TNRC6C: variants seen among roughly 807,000 people sequenced by gnomAD.
The protein encoded by TNRC6C is trinucleotide repeat-containing gene 6C protein.
A neutral mutation model predicts 153.7 loss-of-function variants in TNRC6C; 20 were observed. The observed-to-expected ratio is 0.13, with a 90% CI of 0.09 to 0.19. The LOEUF (loss-of-function observed/expected upper bound fraction) is 0.19, where lower values mean the gene tolerates loss of function less well. TNRC6C is among the 10% of genes least tolerant of loss of function. The probability of loss-of-function intolerance (pLI) is 1.00; values close to 1 mark genes in which losing one functional copy is unlikely to be tolerated. For synonymous variants in TNRC6C, 811 were observed against 841.4 expected, an observed-to-expected ratio of 0.96 and a Z score of 0.63; for missense variants, 1,987 against 2,172.0, an observed-to-expected ratio of 0.91 and a Z score of 1.69.
chr17:78,008,565 C>A, intron 1 of TNRC6C: 1 of 152,274 alleles, frequency 6.6e-6, no homozygotes. Context: ...TCTTGACTCC[C>A]CCTTGATTTT....
At chr17:78,077,333 A>G (rs2073102745) in exon 9 of TNRC6C, 3 of 1,571,814 alleles carry the variant, frequency 1.9e-6, no homozygotes, top group Non-Finnish European at 2.6e-6. Context: ...TCTTCTAGAC[A>G]GGTAAGGCTG....
chr17:77,965,906 T>C (rs1352867267), intron 1 of TNRC6C, among the ~76,000 whole-genome samples: 1 of 152,222 alleles, frequency 6.6e-6, no homozygotes, highest in Non-Finnish European at 1.5e-5. Flanking sequence ...CCATTGAACA[T>C]TGTTTTCCCT....
intron 1 of TNRC6C, 122 bp downstream of exon 3, chr17:78,005,201 A>G (rs1025731790): frequency 7.4e-5 from 42 of 570,748 alleles, no homozygotes; most frequent in Non-Finnish European, 9.6e-5. Flanking sequence ...CTTTGAAACT[A>G]TTTTTTATTA....
At chr17:78,086,945 A>G (rs762583490) in exon 13 of TNRC6C, 1 of 1,609,576 alleles carries the variant, frequency 6.2e-7, no homozygotes, top group Non-Finnish European at 8.5e-7. Flanking sequence ...CACCACCGCC[A>G]CCGCCCCCGC....
chr17:77,964,874 G>C (rs2144035606), intron 1 of TNRC6C, among the ~76,000 whole-genome samples: 1 of 152,250 alleles, frequency 6.6e-6, no homozygotes, highest in African/African-American at 2.4e-5. Context: ...GGGGGCTATG[G>C]CTGATGTCTT....
exon 20 of TNRC6C, chr17:78,105,036 C>T (rs1264336294): frequency 1.9e-6 from 1 of 539,466 alleles, no homozygotes; most frequent in African/African-American, 2.0e-5. Flanking sequence ...GGGTCAGCGT[C>T]ACATGCTAAT....
At chr17:78,000,846 A>G (rs1230082958), upstream of TNRC6C, among the ~76,000 whole-genome samples, 2 of 152,178 alleles carry the variant, frequency 1.3e-5, no homozygotes, top group Non-Finnish European at 2.9e-5. Flanking sequence ...TCAACTAACA[A>G]AAAGACTGGT....
chr17:78,043,130 TGGAAAAAAA>T (rs1351158097), intron 2 of TNRC6C, among the ~76,000 whole-genome samples: 1 of 152,020 alleles, frequency 6.6e-6, no homozygotes, highest in Admixed American at 6.6e-5. Context: ...AGCTGAAGTA[TGGAAAAAAA>T]GGAAAAAAGA....
At chr17:78,014,167 T>C (rs1194684848) in intron 1 of TNRC6C, among the ~76,000 whole-genome samples, 1 of 152,192 alleles carries the variant, frequency 6.6e-6, no homozygotes, top group Non-Finnish European at 1.5e-5. Context: ...CTTCTGTGTT[T>C]CATGAGATTT....
intron 1 of TNRC6C, among the ~76,000 whole-genome samples, chr17:77,986,413 C>CAAA (rs764905338): frequency 9.2e-5 from 5 of 54,298 alleles, no homozygotes; most frequent in African/African-American, 2.0e-4. Flanking sequence ...AACTCCATCT[C>CAAA]AAAAAAAAAA....
chr17:77,957,907 G>C (rs2070820827), upstream of TNRC6C, among the ~76,000 whole-genome samples: 1 of 152,240 alleles, frequency 6.6e-6, no homozygotes, highest in Admixed American at 6.5e-5. Context: ...GGCCCGGACC[G>C]AAGGCTTGCG....
intron 16 of TNRC6C, 61 bp from the exon 20 acceptor site, chr17:78,098,282 C>T (rs2073524679): frequency 6.8e-7 from 1 of 1,474,820 alleles, no homozygotes; most frequent in African/African-American, 1.4e-5. Flanking sequence ...TCCCCAAACA[C>T]AGCAGTGAGT....
At chr17:77,983,174 T>G (rs1567900186) in intron 1 of TNRC6C, among the ~76,000 whole-genome samples, 1 of 152,326 alleles carries the variant, frequency 6.6e-6, no homozygotes, top group East Asian at 1.9e-4. Flanking sequence ...TTATACCTTA[T>G]AACCCACCCC....
chr17:78,051,831 C>T (rs1016073251), intron 3 of TNRC6C, among the ~76,000 whole-genome samples: 1 of 152,084 alleles, frequency 6.6e-6, no homozygotes, highest in African/African-American at 2.4e-5. Context: ...AGAACTTGGG[C>T]AAGTTGGCAG....
intron 2 of TNRC6C, among the ~76,000 whole-genome samples, chr17:78,042,910 C>T (rs2072329061): frequency 6.6e-6 from 1 of 152,060 alleles, no homozygotes; most frequent in Admixed American, 6.5e-5. Flanking sequence ...TTTTAATTAG[C>T]TCAGTATGCA....
intron 17 of TNRC6C, among the ~76,000 whole-genome samples, chr17:78,100,468 C>G (rs1251367947): frequency 6.6e-6 from 1 of 152,250 alleles, no homozygotes; most frequent in Non-Finnish European, 1.5e-5. Flanking sequence ...GAGATTGCTC[C>G]CTCTGAAGCC....
chr17:78,057,589 C>T (rs1196049925), intron 3 of TNRC6C, among the ~76,000 whole-genome samples: 1 of 152,244 alleles, frequency 6.6e-6, no homozygotes, highest in Non-Finnish European at 1.5e-5. Context: ...AATGCCTGCG[C>T]AGCTTTCCAT....
chr17:78,073,172 T>C, intron 7 of TNRC6C, 78 bp downstream of exon 9: 1 of 1,264,136 alleles, frequency 7.9e-7, no homozygotes, highest in South Asian at 1.3e-5. Flanking sequence ...ATTGTAGTCA[T>C]GGTTTAATGG....
upstream of TNRC6C, chr17:78,004,103 A>G (rs1451429624): frequency 3.3e-6 from 4 of 1,230,094 alleles, no homozygotes; most frequent in Middle Eastern, 6.2e-4. Context: ...TGGAGCAGCT[A>G]GTGCTTTTTC....
Sources: gnomAD v4.1 joint callset for allele counts (sites outside exome capture counted in the v4.1 genomes callset) on GRCh38, gnomAD v4.1.1 for gene constraint, MANE v1.5 for transcripts, NCBI Gene and HGNC (gene_info 2026-07-23, HGNC 2026-07-21) for gene names.